DUSP16: variants seen among roughly 807,000 people sequenced by gnomAD.
DUSP16 encodes dual specificity phosphatase 16, also known as dual specificity protein phosphatase 16.
A neutral mutation model predicts 58.3 loss-of-function variants in DUSP16; 21 were observed. The ratio of observed to expected loss-of-function variants is 0.36; its 90% CI spans 0.26 to 0.52. The LOEUF (loss-of-function observed/expected upper bound fraction) is 0.52. DUSP16 is among the 20% of genes least tolerant of loss of function. The pLI, the probability that DUSP16 is intolerant of heterozygous loss-of-function variation, is 0.94. For synonymous variants in DUSP16, 320 were observed against 323.8 expected (o/e 0.99, Z 0.12); for missense variants, 726 against 819.0 (o/e 0.89, Z 1.39).
Position 12,480,365 on chromosome 12 carries a change from A to T in DUSP16, c.692-19T>A. ...GCTTTCTCTGTATAAGTCAAATGCAAGAAAGGTCACTACTAACTATTTTGT... is the reference window on the plus strand; with the variant it reads ...GCTTTCTCTGTATAAGTCAAATGCATGAAAGGTCACTACTAACTATTTTGT... On this transcript the variant is annotated intron_variant, in intron 5 of 6. Coordinates refer to ENST00000298573, the MANE Select transcript of DUSP16 (RefSeq NM_030640.3). 1 of 1,610,198 alleles carries T rather than the reference A, an allele frequency of 6.2e-7. No individual in the cohort carries two copies. The highest frequency in any genetic ancestry group is 8.5e-7 in the Non-Finnish European group (1 of 1,178,246).
intron 1 of DUSP16, among the ~76,000 whole-genome samples, chr12:12,527,575 A>C (rs900475533): frequency 2.0e-5 from 3 of 152,202 alleles, no homozygotes; most frequent in African/African-American, 7.2e-5. Flanking sequence ...TGTTCTGCAC[A>C]TGTACCCCAG....
At chr12:12,552,921 C>T (rs1385966071) in intron 1 of DUSP16, among the ~76,000 whole-genome samples, 3 of 151,932 alleles carry the variant, frequency 2.0e-5, no homozygotes, top group African/African-American at 7.3e-5. Flanking sequence ...GCTGGGATTA[C>T]AGGCGCCCAC....
intron 1 of DUSP16, among the ~76,000 whole-genome samples, chr12:12,556,603 CAA>C (rs1944809909): frequency 6.6e-6 from 1 of 151,528 alleles, no homozygotes; most frequent in African/African-American, 2.4e-5. Flanking sequence ...TTAAAAACTG[CAA>C]AAAGAGTGAA....
intron 4 of DUSP16, among the ~76,000 whole-genome samples, chr12:12,499,112 A>G (rs1943873860): frequency 6.6e-6 from 1 of 152,246 alleles, no homozygotes; most frequent in Non-Finnish European, 1.5e-5. Context: ...GTCAAAAGTA[A>G]CAAAAACTAT....
chr12:12,484,651 T>C (rs1943643958), intron 5 of DUSP16, among the ~76,000 whole-genome samples: 1 of 152,184 alleles, frequency 6.6e-6, no homozygotes, highest in Admixed American at 6.5e-5. Context: ...AGACAAAGTC[T>C]CACTCTGTTG....
chr12:12,488,132 T>A (rs1392368663), intron 4 of DUSP16, among the ~76,000 whole-genome samples: 1 of 152,100 alleles, frequency 6.6e-6, no homozygotes. Context: ...TTTCCTTGAG[T>A]CTCATTTCCT....
At chr12:12,532,352 T>C (rs1000768856) in intron 1 of DUSP16, among the ~76,000 whole-genome samples, 1 of 152,172 alleles carries the variant, frequency 6.6e-6, no homozygotes, top group African/African-American at 2.4e-5. Context: ...AAAAATATAC[T>C]TATTGACAGC....
In DUSP16 at chr12:12,477,664, C is replaced by G. The variant is rs975340665; in HGVS notation, c.1167G>C (p.Arg389Ser). 3 of 1,614,114 alleles carry G rather than the reference C, an allele frequency of 1.9e-6. No homozygotes were observed. The highest frequency in any genetic ancestry group is 2.7e-5 in the African/African-American group (2 of 75,064). The change falls in exon 7 of 7, where the codon AGG becomes AGC. Residue 389 changes from arginine to serine, a missense_variant. Physicochemically the swap from Arg to Ser is moderately radical, Grantham distance 110. Transcript: ENST00000298573. The surrounding 1 kb of genome is among the most constrained non-coding windows in gnomAD (Gnocchi z 4.1). ...GCTTGAGCTTATTGCTGTCTTCCAG[C>G]CTGTCTGCGGACAGGTGCAGCCCAC... ...ALSGLHLSAD[R>S]LEDSNKLKRS...
chr12:12,522,368 C>T (rs1391434133), intron 1 of DUSP16, among the ~76,000 whole-genome samples: 2 of 152,198 alleles, frequency 1.3e-5, no homozygotes, highest in African/African-American at 4.8e-5. Flanking sequence ...GAACCCAGTG[C>T]TTCCCTTTCT....
intron 4 of DUSP16, 49 bp from the exon 5 acceptor site, chr12:12,487,236 A>G (rs368809460): frequency 2.7e-5 from 42 of 1,577,328 alleles, no homozygotes; most frequent in Admixed American, 5.1e-5. Flanking sequence ...TATAGTAAAC[A>G]TGATCATTCT....
intron 4 of DUSP16, among the ~76,000 whole-genome samples, chr12:12,493,078 T>A (rs1943783564): frequency 6.6e-6 from 1 of 152,320 alleles, no homozygotes; most frequent in Non-Finnish European, 1.5e-5. Context: ...TGTATGTTAA[T>A]GACTCCCACC....
Position 12,487,203 on chromosome 12 carries a change from G to A in DUSP16, c.532-16C>T. 6.2e-7 allele frequency: 1 copy of A among 1,612,070 alleles called. No homozygotes were observed. Among genetic ancestry groups the A allele is most frequent in the South Asian group, 1.1e-5 (1 of 90,958 alleles). ...GCATCAGCTCCTATGGAGAGAAAGA[G>A]TAGCAGTTAAAGTGACTAATAATAT... On this transcript the variant is annotated splice_polypyrimidine_tract_variant and intron_variant, in intron 4 of 6. Coordinates refer to ENST00000298573, the MANE Select transcript of DUSP16 (RefSeq NM_030640.3).
intron 3 of DUSP16, among the ~76,000 whole-genome samples, chr12:12,515,892 C>T (rs1944143502): frequency 6.6e-6 from 1 of 152,124 alleles, no homozygotes; most frequent in Admixed American, 6.5e-5. Context: ...TCTCCTGCCT[C>T]AGCCTCCTGA....
chr12:12,551,265 G>A (rs1423363604), intron 1 of DUSP16, among the ~76,000 whole-genome samples: 2 of 151,892 alleles, frequency 1.3e-5, no homozygotes, highest in East Asian at 3.9e-4. Context: ...ACCTCGGGAA[G>A]CCTAGGCAGG....
intron 3 of DUSP16, among the ~76,000 whole-genome samples, chr12:12,506,888 G>GAA (rs1043068467): frequency 2.4e-4 from 36 of 152,298 alleles, no homozygotes; most frequent in Non-Finnish European, 1.8e-4. Flanking sequence ...TTCCGACACA[G>GAA]AAAACATCTG....
rs181032042 is a variant in DUSP16 at position 12,562,393 on chromosome 12, C to G, written c.-642G>C. ...TCACTCTTTCTCTTCCACCCTCCCCCCCATCAGCCTTCAAAAAAAATGTCG... is the reference window on the plus strand; with the variant it reads ...TCACTCTTTCTCTTCCACCCTCCCCGCCATCAGCCTTCAAAAAAAATGTCG... On this transcript the variant is annotated 5_prime_UTR_variant, in exon 1 of 7. Transcript: ENST00000298573. The G allele has an allele frequency of 3.9e-3, 590 of 151,738 alleles. 2 individuals carry two copies. The highest frequency in any genetic ancestry group is 0.01 in the Middle Eastern group (3 of 294). The allele number at this position is 151,738 out of a possible 1,614,324, so 9.4% of individuals were successfully genotyped here.
At chr12:12,514,666 A>T (rs1448463225) in intron 3 of DUSP16, among the ~76,000 whole-genome samples, 1 of 151,952 alleles carries the variant, frequency 6.6e-6, no homozygotes, top group Non-Finnish European at 1.5e-5. Flanking sequence ...TACCTTGTGT[A>T]ATTTCTTTTT....
chr12:12,542,305 G>A (rs754215104), intron 1 of DUSP16, among the ~76,000 whole-genome samples: 7 of 151,458 alleles, frequency 4.6e-5, no homozygotes, highest in Non-Finnish European at 1.0e-4. Flanking sequence ...CCTGGGAGGT[G>A]GAGGTTGTGG....
intron 1 of DUSP16, among the ~76,000 whole-genome samples, chr12:12,535,369 T>A (rs1408655152): frequency 6.6e-6 from 1 of 152,226 alleles, no homozygotes; most frequent in African/African-American, 2.4e-5. Context: ...TTACAAAACA[T>A]CTGCTTCTAC....
Sources: gnomAD v4.1 joint callset for allele counts (sites outside exome capture counted in the v4.1 genomes callset) on GRCh38, gnomAD v4.1.1 for gene constraint, Gnocchi (gnomAD v3.1) non-coding constraint, MANE v1.5 for transcripts, NCBI Gene and HGNC (gene_info 2026-07-23, HGNC 2026-07-21) for gene names.